Variants in TGS1 observed in about 807,000 individuals in gnomAD.
TGS1 encodes trimethylguanosine synthase.
Under a neutral mutation model 92.2 loss-of-function variants are expected in TGS1, and 69 were observed. The ratio of observed to expected loss-of-function variants is 0.75; its 90% confidence interval spans 0.62 to 0.91. The LOEUF (loss-of-function observed/expected upper bound fraction) is 0.91, where lower values mean the gene tolerates loss of function less well. Among genes scored for constraint, TGS1 ranks in the 40% least tolerant of loss-of-function variants. The pLI, the probability that TGS1 is intolerant of heterozygous loss-of-function variation, is 0.00. For synonymous variants in TGS1, 345 were observed against 338.1 expected (o/e 1.02, Z -0.22); for missense variants, 1,062 against 1,001.2 (o/e 1.06, Z -0.82).
intron 6 of TGS1, among the ~76,000 whole-genome samples, chr8:55,793,169 A>G (rs150246060): frequency 1.0e-3 from 152 of 152,374 alleles, no homozygotes; most frequent in African/African-American, 3.5e-3. Context: ...GAAATCTGCA[A>G]TAACCTCTTT....
In TGS1 at chr8:55,792,738, G is replaced by T; in HGVS notation, c.1321G>T (p.Asp441Tyr). ...TGATGAAAACCCAGCTTCAGACTTT[G>T]ATGACAGTGGTTCCCTTCTAGGATT... ...DIDENPASDF[D>Y]DSGSLLGFKY... The change falls in exon 6 of 13, where the codon GAT becomes TAT. Residue 441 changes from aspartate to tyrosine, a missense_variant. Asp to Tyr is a radical substitution (Grantham distance 160, BLOSUM62 -3). Coordinates refer to ENST00000260129, the MANE Select transcript of TGS1 (RefSeq NM_024831.8). 1.9e-6 allele frequency: 3 copies of T among 1,613,910 alleles called. No individual in the cohort carries two copies. Among genetic ancestry groups the T allele is most frequent in the Non-Finnish European group, 2.5e-6 (3 of 1,179,874 alleles).
rs1811919771 is a variant in TGS1 at position 55,792,686 on chromosome 8, T to C, written c.1281-12T>C. 1.9e-6 allele frequency: 3 copies of C among 1,605,396 alleles called. No individual in the cohort carries two copies. Among genetic ancestry groups the C allele is most frequent in the Non-Finnish European group, 2.6e-6 (3 of 1,172,286 alleles). The stretch of plus-strand genomic sequence containing the variant: ...GTAATGGCTTATCACTGTTTACCTT[T>C]TCTTTATTTAGCCATGAACTGGACA... On this transcript the variant is annotated splice_polypyrimidine_tract_variant and intron_variant, in intron 5 of 12. Transcript: ENST00000260129.
At chr8:55,820,853 T>G (rs1274347652) in intron 12 of TGS1, among the ~76,000 whole-genome samples, 1 of 152,240 alleles carries the variant, frequency 6.6e-6, no homozygotes, top group African/African-American at 2.4e-5. Flanking sequence ...TCTCTGTCCT[T>G]CCTACCCTCT....
At chr8:55,801,927 G>T (rs963010998) in intron 8 of TGS1, among the ~76,000 whole-genome samples, 2 of 152,054 alleles carry the variant, frequency 1.3e-5, no homozygotes, top group Non-Finnish European at 2.9e-5. Context: ...AGGCACAGTG[G>T]CTCATGCCTG....
chr8:55,805,988 A>G (rs1026195951), intron 10 of TGS1, among the ~76,000 whole-genome samples: 2 of 150,496 alleles, frequency 1.3e-5, no homozygotes, highest in African/African-American at 4.9e-5. Flanking sequence ...GAGCCCAGAA[A>G]TTGCAGGCTG....
intron 7 of TGS1, among the ~76,000 whole-genome samples, chr8:55,797,685 A>T (rs2130173885): frequency 6.6e-6 from 1 of 152,286 alleles, no homozygotes; most frequent in East Asian, 1.9e-4. Flanking sequence ...GGTGTGATGA[A>T]TTACCTTTCT....
chr8:55,790,257 A>T lies in TGS1; in HGVS notation c.1238A>T (p.Glu413Val). 1 of 1,614,102 alleles carries T rather than the reference A, an allele frequency of 6.2e-7. No individual in the cohort carries two copies. The highest frequency in any genetic ancestry group is 8.5e-7 in the Non-Finnish European group (1 of 1,179,958). Residue 413 changes from glutamate (E) to valine (V), a missense_variant, in exon 5 of 13, where the codon GAG becomes GTG. Glu to Val is a moderately radical substitution (Grantham distance 121). Transcript: ENST00000260129. ...HASGTDGDES[E>V]EDPPEHKPSK... ...AGTGGTACTGATGGAGATGAAAGTG[A>T]GGAAGACCCACCTGAGCATAAGCCA...
chr8:55,797,005 C>T (rs1023441925), intron 7 of TGS1, among the ~76,000 whole-genome samples: 1 of 151,998 alleles, frequency 6.6e-6, no homozygotes, highest in Admixed American at 6.6e-5. Context: ...AAAACACAAC[C>T]TTGCCTATGT....
Position 55,773,559 on chromosome 8 carries a change from C to A in TGS1, c.-60C>A. 1 of 1,350,114 alleles carries A rather than the reference C, an allele frequency of 7.4e-7. No individual in the cohort carries two copies. Among genetic ancestry groups the A allele is most frequent in the Non-Finnish European group, 1.0e-6 (1 of 960,776 alleles). The allele number at this position is 1,350,114 out of a possible 1,614,324, so 83.6% of individuals were successfully genotyped here. ...CTGTTTTAAGTCTCCAGTAACCGAG[C>A]GGAGGCCCGGCAGGCGCGACCCGGG... On this transcript the variant is annotated 5_prime_UTR_variant, in exon 1 of 13. Transcript: ENST00000260129.
chr8:55,795,861 A>G (rs1812028407), intron 6 of TGS1, 117 bp from the exon 7 acceptor site: 11 of 777,718 alleles, frequency 1.4e-5, no homozygotes, highest in Non-Finnish European at 2.1e-5. Context: ...CATAATTTTA[A>G]AAAGGGAATT....
intron 4 of TGS1, 181 bp from the exon 5 acceptor site, chr8:55,790,001 G>A: frequency 5.6e-6 from 3 of 536,328 alleles, no homozygotes; most frequent in East Asian, 3.1e-5. Flanking sequence ...TTATAGTTAA[G>A]ATTTTTAAAA....
chr8:55,811,350 T>TA (rs1308558647), intron 11 of TGS1, among the ~76,000 whole-genome samples: 1 of 151,512 alleles, frequency 6.6e-6, no homozygotes, highest in Non-Finnish European at 1.5e-5. Flanking sequence ...GTAATCCAGC[T>TA]ACTCGGGAGG....
At position 55,799,008 on chromosome 8, in the gene TGS1, G is replaced by T. The variant is rs1242806661; in HGVS notation, c.1637G>T (p.Ser546Ile). Reference sequence around the variant, plus strand: ...GACAATGTGCACGACGCTTCCACAAGTAGTGATTCAGAGGAACAAGACATG... The same window carrying T: ...GACAATGTGCACGACGCTTCCACAATTAGTGATTCAGAGGAACAAGACATG... ...SHDNVHDASTSSDSEEQDMSV... is the reference protein window; with the variant it reads ...SHDNVHDASTISDSEEQDMSV... The change falls in exon 8 of 13, where the codon AGT becomes ATT. Residue 546 changes from serine to isoleucine, a missense_variant. Ser to Ile is a moderately radical substitution (Grantham distance 142). Transcript: ENST00000260129. 1 of 1,614,170 alleles carries T rather than the reference G, an allele frequency of 6.2e-7. No individual in the cohort carries two copies. The highest frequency in any genetic ancestry group is 1.7e-5 in the Admixed American group (1 of 60,014).
intron 2 of TGS1, among the ~76,000 whole-genome samples, chr8:55,785,051 GTT>G (rs1305375182): frequency 6.8e-6 from 1 of 147,680 alleles, no homozygotes; most frequent in Non-Finnish European, 1.5e-5. Flanking sequence ...GTCAATTGGT[GTT>G]TTTTGTTTTT....
chr8:55,799,042 A>G lies in TGS1; in HGVS notation c.1671A>G (p.Lys557=). Residue 557 remains lysine (K), a synonymous_variant, in exon 8 of 13, where the codon AAA becomes AAG. Coordinates refer to ENST00000260129, the MANE Select transcript of TGS1 (RefSeq NM_024831.8). Reference sequence around the variant, plus strand: ...CAGAGGAACAAGACATGTCTGTTAAAAAAGGTGATGACCTACTGGAGACTA... The same window carrying G: ...CAGAGGAACAAGACATGTCTGTTAAGAAAGGTGATGACCTACTGGAGACTA... ...SDSEEQDMSV[K]KGDDLLETNN... The G allele has an allele frequency of 6.2e-7, 1 of 1,614,230 alleles. No individual in the cohort carries two copies. Among genetic ancestry groups the G allele is most frequent in the Non-Finnish European group, 8.5e-7 (1 of 1,180,038 alleles).
intron 12 of TGS1, 83 bp from the exon 13 acceptor site, chr8:55,824,498 T>A: frequency 6.4e-7 from 1 of 1,550,940 alleles, no homozygotes; most frequent in Non-Finnish European, 8.7e-7. Flanking sequence ...AGTCTTCCTA[T>A]TATTTGATAA....
intron 12 of TGS1, among the ~76,000 whole-genome samples, chr8:55,814,061 C>T (rs1803406570): frequency 6.6e-6 from 1 of 152,164 alleles, no homozygotes; most frequent in Non-Finnish European, 1.5e-5. Flanking sequence ...AGTCCTCCCA[C>T]CTCAGCCTGC....
In TGS1 at chr8:55,786,954, T is replaced by C. The variant is rs747827086; in HGVS notation, c.1056T>C (p.Ser352=). The C allele has an allele frequency of 1.2e-6, 2 of 1,614,020 alleles. No individual in the cohort carries two copies. Among genetic ancestry groups the C allele is most frequent in the African/African-American group, 2.7e-5 (2 of 74,928 alleles). Residue 352 remains serine (S), a synonymous_variant, in exon 4 of 13, where the codon AGT becomes AGC. Coordinates refer to ENST00000260129, the MANE Select transcript of TGS1 (RefSeq NM_024831.8). ...GTCATCAACAGCTAAGTGAAGTTAG[T>C]AGCAAAAGAGAGTGCCCTGCTTCCG... ...HDGHQQLSEV[S]SKRECPASGQ... is the part of the protein sequence containing the mutation.
At chr8:55,778,571 T>C (rs1005564454) in intron 1 of TGS1, among the ~76,000 whole-genome samples, 1 of 152,214 alleles carries the variant, frequency 6.6e-6, no homozygotes, top group Admixed American at 6.5e-5. Context: ...CTTTCATATA[T>C]GATACAACGA....
Sources: gnomAD v4.1 joint callset for allele counts (sites outside exome capture counted in the v4.1 genomes callset) on GRCh38, gnomAD v4.1.1 for gene constraint, MANE v1.5 for transcripts, NCBI Gene and HGNC (gene_info 2026-07-23, HGNC 2026-07-21) for gene names.